The following DST variants were observed in gnomAD, a reference collection of about 807,000 sequenced individuals.
The protein encoded by DST is dystonin, also known as bullous pemphigoid antigen.
A neutral mutation model predicts 875.2 loss-of-function variants in DST; 253 were observed. The ratio of observed to expected loss-of-function variants is 0.29; its 90% confidence interval spans 0.26 to 0.32. The LOEUF is 0.32. DST is among the 10% of genes least tolerant of loss of function. DST has a pLI of 1.00. For synonymous variants in DST, 3,124 were observed against 3,197.1 expected (o/e 0.98, Z 0.77); for missense variants, 8,287 against 9,111.6 (o/e 0.91, Z 3.68).
chr6:56,771,323 T>C (rs2099661963), intron 4 of DST, among the ~76,000 whole-genome samples: 1 of 152,140 alleles, frequency 6.6e-6, no homozygotes, highest in Non-Finnish European at 1.5e-5. Flanking sequence ...TTTAGGCTAA[T>C]GATAATCCTC....
At chr6:56,480,567 C>G (rs1393824076) in intron 90 of DST, among the ~76,000 whole-genome samples, 1 of 152,124 alleles carries the variant, frequency 6.6e-6, no homozygotes, top group African/African-American at 2.4e-5. Context: ...ATTAAATATT[C>G]TGTTTTTCTT....
chr6:56,683,084 T>C (rs1465015218), intron 9 of DST, among the ~76,000 whole-genome samples: 1 of 152,208 alleles, frequency 6.6e-6, no homozygotes, highest in Non-Finnish European at 1.5e-5. Context: ...TGGCAATTTA[T>C]TCACACACCT....
intron 58 of DST, among the ~76,000 whole-genome samples, chr6:56,559,990 C>G (rs2097509332): frequency 1.3e-5 from 2 of 151,840 alleles, no homozygotes; most frequent in Non-Finnish European, 2.9e-5. Context: ...AATAAAGCAC[C>G]AAAAGCTAGG....
At chr6:56,603,060 T>C (rs768597357) in intron 42 of DST, 29 bp from the exon 43 acceptor site, 17 of 1,552,008 alleles carry the variant, frequency 1.1e-5, no homozygotes, top group Non-Finnish European at 1.2e-5. Flanking sequence ...CATTCAGTTA[T>C]CTTTCCCCAA....
At chr6:56,831,537 C>T (rs888939274) in intron 4 of DST, among the ~76,000 whole-genome samples, 2 of 152,032 alleles carry the variant, frequency 1.3e-5, no homozygotes, top group Admixed American at 1.3e-4. Flanking sequence ...TGTGAAACCC[C>T]TGGATGCTCG....
chr6:56,590,438 T>A (rs1355068204), intron 49 of DST, among the ~76,000 whole-genome samples: 1 of 152,212 alleles, frequency 6.6e-6, no homozygotes, highest in Non-Finnish European at 1.5e-5. Flanking sequence ...CCTAATTAAA[T>A]GTAATATATG....
intron 5 of DST, among the ~76,000 whole-genome samples, chr6:56,718,055 C>A (rs543530916): frequency 2.0e-5 from 3 of 151,702 alleles, no homozygotes; most frequent in Admixed American, 1.3e-4. Flanking sequence ...CCAGCCTGGG[C>A]AACACAGTGA....
intron 4 of DST, among the ~76,000 whole-genome samples, chr6:56,749,537 A>T (rs1002487896): frequency 6.6e-6 from 1 of 152,180 alleles, no homozygotes; most frequent in African/African-American, 2.4e-5. Context: ...ACGGCCTAAT[A>T]TTCATATAAG....
At chr6:56,890,222 G>A (rs1218745859) in intron 3 of DST, among the ~76,000 whole-genome samples, 1 of 152,098 alleles carries the variant, frequency 6.6e-6, no homozygotes, top group Non-Finnish European at 1.5e-5. Flanking sequence ...CCAGAGAATC[G>A]CTGAGAAGAT....
intron 4 of DST, among the ~76,000 whole-genome samples, chr6:56,824,863 C>T (rs1419911610): frequency 7.2e-5 from 11 of 151,800 alleles, no homozygotes; most frequent in Non-Finnish European, 1.3e-4. Flanking sequence ...CCACCCCGTC[C>T]GGGAGGGAGG....
intron 83 of DST, 32 bp downstream of exon 83, chr6:56,493,978 A>G: frequency 6.8e-7 from 1 of 1,465,998 alleles, no homozygotes. Flanking sequence ...CAACTAAAAC[A>G]CTGATTCTAT....
intron 4 of DST, among the ~76,000 whole-genome samples, chr6:56,747,672 T>G (rs2152947593): frequency 2.6e-5 from 4 of 152,220 alleles, no homozygotes; most frequent in Admixed American, 2.6e-4. Context: ...TTTTAAAAGG[T>G]TTTCACTATC....
intron 49 of DST, among the ~76,000 whole-genome samples, chr6:56,586,250 T>A (rs1159590175): frequency 6.6e-6 from 1 of 151,496 alleles, no homozygotes; most frequent in African/African-American, 2.4e-5. Context: ...TGTAGGTCAC[T>A]CAGGACTTGC....
chr6:56,846,700 A>G (rs1230323238), intron 4 of DST, among the ~76,000 whole-genome samples: 2 of 152,196 alleles, frequency 1.3e-5, no homozygotes, highest in Non-Finnish European at 2.9e-5. Context: ...CAAAAGCACT[A>G]AAGACTAAAA....
At chr6:56,918,924 G>T (rs1378300041) in intron 2 of DST, among the ~76,000 whole-genome samples, 1 of 151,928 alleles carries the variant, frequency 6.6e-6, no homozygotes, top group Non-Finnish European at 1.5e-5. Context: ...AAAAATCTTT[G>T]TATATTTTTA....
intron 4 of DST, among the ~76,000 whole-genome samples, chr6:56,821,134 T>C (rs1184406741): frequency 1.3e-5 from 2 of 152,254 alleles, no homozygotes; most frequent in Non-Finnish European, 2.9e-5. Context: ...CCTTCTGACA[T>C]TACTTAGCAA....
chr6:56,835,048 G>A (rs896137295), intron 4 of DST, among the ~76,000 whole-genome samples: 4 of 152,154 alleles, frequency 2.6e-5, no homozygotes, highest in Admixed American at 6.5e-5. Flanking sequence ...AAGACATGGA[G>A]GAACTTTAAA....
rs2096867938 is a variant in DST at position 56,530,028 on chromosome 6, A to G, written c.17214T>C (p.Cys5738=). 1 of 1,613,442 alleles carries G rather than the reference A, an allele frequency of 6.2e-7. No individual in the cohort carries two copies. Among genetic ancestry groups the G allele is most frequent in the Non-Finnish European group, 8.5e-7 (1 of 1,179,710 alleles). ...TAGATGCTTGGGTTCCTATGGGTTCACAATTCACCAGCCTCTTTTCTATGG... is the reference window on the plus strand; with the variant it reads ...TAGATGCTTGGGTTCCTATGGGTTCGCAATTCACCAGCCTCTTTTCTATGG... ...LTTIEKRLVN[C]EPIGTQASKL... is the part of the protein sequence containing the mutation. Residue 5738 remains cysteine, a synonymous_variant, in exon 65 of 104, where the codon TGT becomes TGC. Transcript: ENST00000680361.
chr6:56,597,887 T>C lies in DST; in HGVS notation c.12048A>G (p.Glu4016=), dbSNP rs751603968. The C allele has an allele frequency of 6.8e-6, 11 of 1,613,748 alleles. No individual in the cohort carries two copies. Among genetic ancestry groups the C allele is most frequent in the Middle Eastern group, 1.6e-4 (1 of 6,062 alleles). ...RAGTKHKQVI[E]QNGTHFQEGD... is the part of the protein sequence containing the mutation. The stretch of plus-strand genomic sequence containing the variant: ...CTTCTTGAAAATGGGTCCCGTTCTG[T>C]TCGATTACCTGTTTGTGTTTTGTCC... The change falls in exon 47 of 104, where the codon GAA becomes GAG. Residue 4016 remains glutamate, a synonymous_variant. Transcript: ENST00000680361.
Sources: gnomAD v4.1 joint callset for allele counts (sites outside exome capture counted in the v4.1 genomes callset) on GRCh38, gnomAD v4.1.1 for gene constraint, MANE v1.5 for transcripts, NCBI Gene and HGNC (gene_info 2026-07-23, HGNC 2026-07-21) for gene names.